Variants in ZNF79 observed in about 807,000 individuals in gnomAD.
ZNF79 encodes ZNFpT7.
A neutral mutation model predicts 14.9 loss-of-function variants in ZNF79; 13 were observed. The observed-to-expected ratio is 0.87, with a 90% CI of 0.57 to 1.38. The LOEUF is 1.38. ZNF79 is among the 40% of genes most tolerant of loss of function. The pLI, the probability that ZNF79 is intolerant of heterozygous loss-of-function variation, is 0.00. For synonymous variants in ZNF79, 223 were observed against 235.1 expected (o/e 0.95, Z 0.47); for missense variants, 631 against 630.6 (o/e 1.00, Z -0.01).
chr9:127,427,205 G>A (rs1040735146), intron 1 of ZNF79, among the ~76,000 whole-genome samples: 3 of 150,860 alleles, frequency 2.0e-5, no homozygotes, highest in African/African-American at 7.3e-5. Context: ...ATTACTTGAG[G>A]TCAGGAGTTC....
Position 127,444,282 on chromosome 9 carries a change from A to G in ZNF79, c.582A>G (p.Ala194=), listed in dbSNP as rs375612906. 15 of 1,614,100 alleles carry G rather than the reference A, an allele frequency of 9.3e-6. No homozygotes were observed. The highest frequency in any genetic ancestry group is 1.3e-5 in the Non-Finnish European group (15 of 1,180,054). ...ILKPHRAKPY[A]CNECGKAFSY... is the part of the protein sequence containing the mutation. ...AACCTCACAGAGCAAAACCATATGC[A>G]TGTAATGAATGTGGCAAAGCCTTCA... is the stretch of plus-strand genomic sequence containing the variant. Residue 194 remains alanine (A), a synonymous_variant, in exon 5 of 5, where the codon GCA becomes GCG. Coordinates refer to ENST00000342483, the MANE Select transcript of ZNF79 (RefSeq NM_007135.3).
intron 2 of ZNF79, among the ~76,000 whole-genome samples, chr9:127,430,823 C>T (rs1323782667): frequency 6.6e-6 from 1 of 152,204 alleles, no homozygotes; most frequent in Non-Finnish European, 1.5e-5. Flanking sequence ...AATGGTAGCT[C>T]TGTTTTAAGT....
intron 1 of ZNF79, 192 bp from the exon 2 acceptor site, chr9:127,428,640 C>T: frequency 6.6e-6 from 8 of 1,215,954 alleles, no homozygotes; most frequent in Non-Finnish European, 8.2e-6. Flanking sequence ...TGTGAACACT[C>T]TAATGCCTCC....
intron 2 of ZNF79, 68 bp from the exon 3 acceptor site, chr9:127,435,022 A>G (rs912176468): frequency 2.7e-6 from 4 of 1,502,960 alleles, no homozygotes; most frequent in Admixed American, 2.4e-5. Context: ...AAAACTGCCA[A>G]CGTTAACCAC....
In ZNF79 at chr9:127,444,222, A is replaced by C. The variant is rs1377546066; in HGVS notation, c.522A>C (p.Thr174=). Residue 174 remains threonine, a synonymous_variant, in exon 5 of 5, where the codon ACA becomes ACC. Transcript: ENST00000342483. Reference sequence around the variant, plus strand: ...AAGCGAGACCTCGCAAATGTGAGACACACACCGAGAGCTTCAAGAACTCGG... The same window carrying C: ...AAGCGAGACCTCGCAAATGTGAGACCCACACCGAGAGCTTCAAGAACTCGG... ...PVEARPRKCE[T]HTESFKNSEI... 1 of 1,614,162 alleles carries C rather than the reference A, an allele frequency of 6.2e-7. No individual in the cohort carries two copies. Among genetic ancestry groups the C allele is most frequent in the Non-Finnish European group, 8.5e-7 (1 of 1,180,020 alleles).
chr9:127,430,725 C>T (rs1326844245), intron 2 of ZNF79, among the ~76,000 whole-genome samples: 2 of 152,170 alleles, frequency 1.3e-5, no homozygotes, highest in Non-Finnish European at 2.9e-5. Flanking sequence ...GTGAACAGCA[C>T]AACGAGGAAC....
chr9:127,435,790 G>A, intron 3 of ZNF79, 118 bp from the exon 4 acceptor site: 1 of 791,178 alleles, frequency 1.3e-6, no homozygotes, highest in Non-Finnish European at 2.2e-6. Context: ...AGCTCAATAA[G>A]GATTTGTTGG....
chr9:127,429,684 T>C (rs1008147135), intron 2 of ZNF79, among the ~76,000 whole-genome samples: 1 of 152,122 alleles, frequency 6.6e-6, no homozygotes, highest in Non-Finnish European at 1.5e-5. Context: ...ATGAACAAAG[T>C]AATTCATGTT....
Position 127,424,709 on chromosome 9 carries a change from G to A in ZNF79, c.-79G>A. 6.2e-7 allele frequency: 1 copy of A among 1,607,436 alleles called. No homozygotes were observed. Among genetic ancestry groups the A allele is most frequent in the South Asian group, 1.1e-5 (1 of 90,402 alleles). On this transcript the variant is annotated 5_prime_UTR_variant, in exon 1 of 5. Coordinates refer to ENST00000342483, the MANE Select transcript of ZNF79 (RefSeq NM_007135.3). ...TGGGAGCCGTCAGAGCAGCCCTGCA[G>A]AACGGGGTGGGGGCTGCTGTAGATA...
chr9:127,437,829 G>T (rs560181124), intron 4 of ZNF79, among the ~76,000 whole-genome samples: 1 of 151,836 alleles, frequency 6.6e-6, no homozygotes, highest in Non-Finnish European at 1.5e-5. Context: ...ATCCAGTGTG[G>T]CCTCATTTTA....
rs1214232152 is a variant in ZNF79, at chr9:127,428,382, G to A, written c.17-450G>A. On this transcript the variant is annotated intron_variant, in intron 1 of 4. Coordinates refer to ENST00000342483, the MANE Select transcript of ZNF79 (RefSeq NM_007135.3). ...GCCCAGCCCTCTTCTTTTCATTTAA[G>A]CAAATGCCTTAAATTTGCAGAGTCA... 2.0e-5 allele frequency among the ~76,000 whole-genome samples: 3 copies of A among 152,134 alleles called. No homozygotes were observed. The East Asian group carries it at 5.8e-4, about 29-fold the overall frequency.
At chr9:127,430,739 C>T (rs972472850) in intron 2 of ZNF79, among the ~76,000 whole-genome samples, 3 of 152,204 alleles carry the variant, frequency 2.0e-5, no homozygotes, top group Admixed American at 2.0e-4. Context: ...GAGGAACAAG[C>T]GCATGCATGC....
chr9:127,443,203 G>A (rs576761776), intron 4 of ZNF79, among the ~76,000 whole-genome samples: 2 of 152,264 alleles, frequency 1.3e-5, no homozygotes, highest in East Asian at 1.9e-4. Context: ...CACTTTGGGA[G>A]GCTGAGGCAG....
chr9:127,425,897 G>T (rs1370420058), intron 1 of ZNF79, among the ~76,000 whole-genome samples: 1 of 152,152 alleles, frequency 6.6e-6, no homozygotes, highest in Non-Finnish European at 1.5e-5. Context: ...CTGGCCAAGA[G>T]ATCCTTATAT....
At chr9:127,426,104 T>C (rs2131939622) in intron 1 of ZNF79, among the ~76,000 whole-genome samples, 1 of 152,362 alleles carries the variant, frequency 6.6e-6, no homozygotes, top group South Asian at 2.1e-4. Flanking sequence ...GATCTATTTA[T>C]TTATTTTATT....
chr9:127,430,495 C>T lies in ZNF79; in HGVS notation c.105+1575C>T, dbSNP rs548449167. 4.6e-5 allele frequency among the ~76,000 whole-genome samples: 7 copies of T among 152,274 alleles called. 1 individual carries two copies. The South Asian group carries it at 1.0e-3, about 23-fold the overall frequency. On this transcript the variant is annotated intron_variant, in intron 2 of 4. Transcript: ENST00000342483. ...TCCATATATACTTGGTATTTAGCTT[C>T]CCCACTTATCAATAAGAACATGCGG... is the stretch of plus-strand genomic sequence containing the variant.
chr9:127,442,576 A>G (rs937679324), intron 4 of ZNF79, among the ~76,000 whole-genome samples: 6 of 152,036 alleles, frequency 3.9e-5, no homozygotes, highest in African/African-American at 1.2e-4. Context: ...CTTTAGAAAC[A>G]CTGTGCACTT....
intron 2 of ZNF79, among the ~76,000 whole-genome samples, chr9:127,432,548 T>A (rs1408472268): frequency 2.0e-5 from 3 of 150,084 alleles, no homozygotes; most frequent in Admixed American, 1.3e-4. Flanking sequence ...TTTTTTTAGG[T>A]ATTCTAAAAT....
Position 127,435,156 on chromosome 9 carries a change from A to C in ZNF79, c.172A>C (p.Thr58Pro), listed in dbSNP as rs146384829. ...GGAAAGGTGGAGGTGCCTCGTGTCT[A>C]CTCCACGGGACAGGTTCAAGGAGGG... ...AQERWRCLVS[T>P]PRDRFKEGIP... Residue 58 changes from threonine (T) to proline (P), a missense_variant, in exon 3 of 5, where the codon ACT becomes CCT. Transcript: ENST00000342483. 40 of 1,612,806 alleles carry C rather than the reference A, an allele frequency of 2.5e-5. No individual in the cohort carries two copies. In the African/African-American group the frequency reaches 5.2e-4, roughly 21 times the overall value.
Sources: gnomAD v4.1 joint callset for allele counts (sites outside exome capture counted in the v4.1 genomes callset) on GRCh38, gnomAD v4.1.1 for gene constraint, MANE v1.5 for transcripts, NCBI Gene and HGNC (gene_info 2026-07-23, HGNC 2026-07-21) for gene names.